SYNE2: variants seen among roughly 807,000 people sequenced by gnomAD.
SYNE2 encodes spectrin repeat containing nuclear envelope protein 2.
Under a neutral mutation model 856.3 loss-of-function variants are expected in SYNE2, and 431 were observed. The observed-to-expected ratio is 0.50, with a 90% CI of 0.47 to 0.55. The LOEUF (loss-of-function observed/expected upper bound fraction) is 0.55, where lower values mean the gene tolerates loss of function less well. Among genes scored for constraint, SYNE2 ranks in the 20% least tolerant of loss-of-function variants. SYNE2 has a pLI of 0.00. For missense variants in SYNE2, 8,129 were observed against 8,023.2 expected (o/e 1.01, Z -0.50); for synonymous variants, 2,923 against 2,872.3 (o/e 1.02, Z -0.56).
intron 2 of SYNE2, among the ~76,000 whole-genome samples, chr14:63,935,520 T>TA (rs1177178392): frequency 1.3e-5 from 2 of 152,176 alleles, no homozygotes; most frequent in Non-Finnish European, 2.9e-5. Flanking sequence ...ATGTCATACT[T>TA]TTGCACATAT....
chr14:64,027,620 C>T lies in SYNE2; in HGVS notation c.6541C>T (p.Gln2181Ter). Residue 2181 changes from glutamine (Q) to a stop codon, truncating the protein, a stop_gained, in exon 43 of 116, where the codon CAG becomes TAG. Coordinates refer to ENST00000555002, the MANE Select transcript of SYNE2 (RefSeq NM_182914.3). LOFTEE classifies it high-confidence loss of function. ...LQHGLQEKKA[Q>*]LKIYKKFLKK... is the part of the protein sequence containing the mutation. ...ACATGGTCTGCAGGAGAAGAAAGCT[C>T]AGTTAAAGATTTATAAGAAATTCCT... 1 of 1,614,038 alleles carries T rather than the reference C, an allele frequency of 6.2e-7. No individual in the cohort carries two copies. The highest frequency in any genetic ancestry group is 8.5e-7 in the Non-Finnish European group (1 of 1,179,990).
intron 8 of SYNE2, among the ~76,000 whole-genome samples, chr14:63,955,253 A>G (rs2096227068): frequency 6.6e-6 from 1 of 152,084 alleles, no homozygotes; most frequent in Non-Finnish European, 1.5e-5. Context: ...TGAGTCTTGA[A>G]TTAAAGTTGT....
chr14:63,860,746 T>A (rs1321329855), intron 1 of SYNE2, among the ~76,000 whole-genome samples: 2 of 152,240 alleles, frequency 1.3e-5, no homozygotes, highest in Non-Finnish European at 2.9e-5. Context: ...AACAAATTAT[T>A]TTTTAAATAC....
intron 49 of SYNE2, among the ~76,000 whole-genome samples, chr14:64,060,562 G>A (rs2097308824): frequency 6.6e-6 from 1 of 152,090 alleles, no homozygotes; most frequent in Non-Finnish European, 1.5e-5. Context: ...TCCTCAAGTA[G>A]AAAGAAGGGG....
At chr14:64,190,915 G>C in intron 99 of SYNE2, 1 of 699,814 alleles carries the variant, frequency 1.4e-6, no homozygotes, top group Non-Finnish European at 2.6e-6. Context: ...CCTCTCTAAA[G>C]ACAAACTCCA....
At chr14:63,964,820 G>A (rs1292520153) in intron 10 of SYNE2, among the ~76,000 whole-genome samples, 6 of 151,966 alleles carry the variant, frequency 3.9e-5, no homozygotes, top group Admixed American at 6.6e-5. Context: ...CACAGTGCCC[G>A]GCCCCAGAAC....
At position 64,146,140 on chromosome 14, in the gene SYNE2, C is replaced by T. The variant is rs10151658; in HGVS notation, c.15556C>T (p.Leu5186=). 3 of 1,610,316 alleles carry T rather than the reference C, an allele frequency of 1.9e-6. No homozygotes were observed. The highest frequency in any genetic ancestry group is 1.7e-5 in the Admixed American group (1 of 59,442). The change falls in exon 84 of 116, where the codon CTG becomes TTG. Residue 5186 remains leucine, a synonymous_variant. Coordinates refer to ENST00000555002, the MANE Select transcript of SYNE2 (RefSeq NM_182914.3). ...ENKIQILNNW[L]EAQEERLKTL... is the part of the protein sequence containing the mutation. ...TAAAATACAGATCTTGAACAACTGG[C>T]TGGAAGCACAAGAAGAGAGACTGAA...
At chr14:64,030,146 A>T (rs1204093605) in intron 44 of SYNE2, 87 bp downstream of exon 44, 1 of 1,326,028 alleles carries the variant, frequency 7.5e-7, no homozygotes, top group Non-Finnish European at 1.1e-6. Flanking sequence ...CCTCTGTCAG[A>T]AATTCCAGTG....
At chr14:63,991,360 C>T (rs1312582377) in intron 21 of SYNE2, among the ~76,000 whole-genome samples, 1 of 152,118 alleles carries the variant, frequency 6.6e-6, no homozygotes, top group Non-Finnish European at 1.5e-5. Context: ...AGAGTGCAGC[C>T]GACTCTATGA....
At position 64,093,927 on chromosome 14, in the gene SYNE2, A is replaced by G. The variant is rs77394114; in HGVS notation, c.12108+447A>G. ...CTGACTTTCTGGGATAGAGTCAGGC[A>G]GTGTAGGCAGGCTGGGCTTCAGCAG... On this transcript the variant is annotated intron_variant, in intron 61 of 115. Transcript: ENST00000555002. 4.2e-4 allele frequency among the ~76,000 whole-genome samples: 64 copies of G among 152,310 alleles called. 2 individuals are homozygous for G. The East Asian group carries it at 0.012, about 29-fold the overall frequency.
intron 1 of SYNE2, among the ~76,000 whole-genome samples, chr14:63,876,749 G>A (rs912747646): frequency 2.3e-4 from 35 of 152,270 alleles, no homozygotes; most frequent in African/African-American, 8.4e-4. Context: ...GCCTCCCAAA[G>A]TGCTGGGATT....
In SYNE2 at chr14:63,876,472, C is replaced by A. The variant is rs1340245218; in HGVS notation, c.-52+23329C>A. Among the ~76,000 whole-genome samples, 18 of 148,166 alleles carry A rather than the reference C, an allele frequency of 1.2e-4. No individual in the cohort carries two copies. In the East Asian group the frequency reaches 3.2e-3, roughly 26 times the overall value. On this transcript the variant is annotated intron_variant, in intron 1 of 115. Coordinates refer to ENST00000555002, the MANE Select transcript of SYNE2 (RefSeq NM_182914.3). ...TTATATTTTTTTTAATTAAAAAAAA[C>A]AAGCAACAAGCAAATATGTTCCTTT...
In SYNE2 at chr14:64,007,076, A is replaced by G. The variant is rs777183561; in HGVS notation, c.4431A>G (p.Leu1477=). ...KKSLIRLDKV[L]DEYEEEKRHL... is the part of the protein sequence containing the mutation. ...CATTAATCAGACTGGATAAGGTTCT[A>G]GATGAATATGAAGAAGAGAAGAGAC... Residue 1477 remains leucine, a synonymous_variant, in exon 31 of 116, where the codon CTA becomes CTG. Transcript: ENST00000555002. 6.2e-7 allele frequency: 1 copy of G among 1,613,652 alleles called. No homozygotes were observed. Among genetic ancestry groups the G allele is most frequent in the Non-Finnish European group, 8.5e-7 (1 of 1,179,696 alleles).
intron 1 of SYNE2, among the ~76,000 whole-genome samples, chr14:63,886,747 C>T (rs1327329749): frequency 6.6e-6 from 1 of 152,084 alleles, no homozygotes; most frequent in Admixed American, 6.5e-5. Flanking sequence ...GCAACCTCTT[C>T]CTTCTGGGTT....
At chr14:64,141,876 T>C (rs538047591) in intron 81 of SYNE2, 66 bp from the exon 82 acceptor site, 1 of 1,581,336 alleles carries the variant, frequency 6.3e-7, no homozygotes, top group African/African-American at 1.3e-5. Flanking sequence ...GATATCATCT[T>C]TAGTGATGCT....
intron 75 of SYNE2, 47 bp downstream of exon 75, chr14:64,129,948 G>A (rs1171507357): frequency 1.2e-6 from 2 of 1,613,832 alleles, no homozygotes; most frequent in African/African-American, 2.7e-5. Flanking sequence ...ATTGTGAGGA[G>A]CCAGATCCTT....
intron 58 of SYNE2, 62 bp from the exon 59 acceptor site, chr14:64,089,512 C>T: frequency 7.0e-7 from 1 of 1,427,384 alleles, no homozygotes; most frequent in Non-Finnish European, 9.5e-7. Context: ...TGCCAATAAA[C>T]TGTTTTATAG....
At chr14:64,190,497 A>AT in intron 99 of SYNE2, 2 of 653,224 alleles carry the variant, frequency 3.1e-6, no homozygotes, top group Admixed American at 5.0e-5. Context: ...TTGGAAACTG[A>AT]TTTGGAAAGG....
At chr14:63,850,985 A>T (rs1405105930), upstream of SYNE2, among the ~76,000 whole-genome samples, 2 of 152,222 alleles carry the variant, frequency 1.3e-5, no homozygotes, top group African/African-American at 4.8e-5. Context: ...ATACAGCTCC[A>T]CAAATCCTAG....
Sources: allele counts gnomAD v4.1 joint callset (sites outside exome capture counted in the v4.1 genomes callset), GRCh38; gene constraint gnomAD v4.1.1; transcripts MANE v1.5; gene names NCBI Gene and HGNC (gene_info 2026-07-23, HGNC 2026-07-21).